The following B4GALT6 variants were observed in gnomAD, a reference collection of about 807,000 sequenced individuals.
B4GALT6 encodes UDP-Gal:beta-GlcNAc beta-1,4-galactosyltransferase 6.
B4GALT6 carries 14 observed loss-of-function variants against 46.3 expected under a neutral mutation model. That is an observed-to-expected ratio of 0.30 (90% CI 0.20 to 0.47). The LOEUF is 0.47. Ranked by LOEUF, B4GALT6 falls within the 20% of genes least tolerant of loss-of-function variation. The pLI, the probability that B4GALT6 is intolerant of heterozygous loss-of-function variation, is 0.99. For synonymous variants in B4GALT6, 168 were observed against 162.0 expected, an observed-to-expected ratio of 1.04 and a Z score of -0.28; for missense variants, 386 against 480.1, an observed-to-expected ratio of 0.80 and a Z score of 1.83.
At chr18:31,635,009 G>A (rs535331828) in intron 5 of B4GALT6, among the ~76,000 whole-genome samples, 25 of 152,242 alleles carry the variant, frequency 1.6e-4, no homozygotes, top group Middle Eastern at 3.4e-3. Flanking sequence ...TTGGGAGGCC[G>A]AGGAGGGTGG....
upstream of B4GALT6, among the ~76,000 whole-genome samples, chr18:31,684,898 A>T (rs2074527800): frequency 6.7e-6 from 1 of 149,600 alleles, no homozygotes; most frequent in African/African-American, 2.4e-5. Flanking sequence ...CCCCGTGCTT[A>T]AGGTCCGGGC....
At chr18:31,672,360 T>C (rs2074366259) in intron 1 of B4GALT6, among the ~76,000 whole-genome samples, 1 of 152,204 alleles carries the variant, frequency 6.6e-6, no homozygotes, top group South Asian at 2.1e-4. Context: ...AAATACCATT[T>C]GGGGAGACAT....
chr18:31,651,926 A>T (rs559864885), intron 3 of B4GALT6, among the ~76,000 whole-genome samples: 1 of 151,830 alleles, frequency 6.6e-6, no homozygotes, highest in Non-Finnish European at 1.5e-5. Context: ...GCCCGCCACC[A>T]CGCCCAGCTA....
At chr18:31,651,832 G>C (rs369328479) in intron 3 of B4GALT6, among the ~76,000 whole-genome samples, 1 of 151,932 alleles carries the variant, frequency 6.6e-6, no homozygotes, top group Non-Finnish European at 1.5e-5. Context: ...GTGCAGTGGC[G>C]AGATCTCAGC....
intron 3 of B4GALT6, among the ~76,000 whole-genome samples, chr18:31,652,765 A>G (rs1049848406): frequency 1.1e-4 from 17 of 152,254 alleles, no homozygotes; most frequent in Middle Eastern, 3.4e-3. Context: ...GGCACCCTGT[A>G]GGTTCTTTTT....
At chr18:31,719,432 G>T in the B4GALT6 span, among the ~76,000 whole-genome samples, 1 of 152,126 alleles carries the variant, frequency 6.6e-6, no homozygotes, top group Non-Finnish European at 1.5e-5. Context: ...TATGAAGGAA[G>T]CTTGGGGCTA....
At chr18:31,650,951 A>G (rs1033004739) in intron 3 of B4GALT6, among the ~76,000 whole-genome samples, 35 of 152,102 alleles carry the variant, frequency 2.3e-4, no homozygotes, top group African/African-American at 8.5e-4. Flanking sequence ...TATTTTTAGT[A>G]GAGACGGGGT....
intron 3 of B4GALT6, among the ~76,000 whole-genome samples, chr18:31,649,302 T>C (rs1317486868): frequency 1.5e-5 from 2 of 132,206 alleles, no homozygotes; most frequent in Non-Finnish European, 3.3e-5. Context: ...AACCTGAGCA[T>C]TCTAAACATA....
At chr18:31,694,818 A>G in the B4GALT6 span, among the ~76,000 whole-genome samples, 2 of 152,226 alleles carry the variant, frequency 1.3e-5, no homozygotes, top group Non-Finnish European at 2.9e-5. Context: ...TGAAACCAAG[A>G]GCACAAAACA....
chr18:31,720,230 T>C, the B4GALT6 span, among the ~76,000 whole-genome samples: 1 of 152,194 alleles, frequency 6.6e-6, no homozygotes, highest in Non-Finnish European at 1.5e-5. Flanking sequence ...AGTTGTAATT[T>C]TGCAAAGGTG....
the B4GALT6 span, among the ~76,000 whole-genome samples, chr18:31,715,614 G>A: frequency 1.0e-4 from 13 of 124,164 alleles, no homozygotes; most frequent in African/African-American, 3.4e-4. Flanking sequence ...GCAATAGCAC[G>A]ATCTCAGCTC....
intron 1 of B4GALT6, among the ~76,000 whole-genome samples, chr18:31,680,757 C>G (rs1271216491): frequency 6.6e-6 from 1 of 152,228 alleles, no homozygotes; most frequent in Non-Finnish European, 1.5e-5. Context: ...AGACCAGTCT[C>G]TCTCTGCCAG....
At position 31,624,587 on chromosome 18, in the gene B4GALT6, A is replaced by G. The variant is rs569958792; in HGVS notation, c.*1027T>C. 9.3e-4 allele frequency: 141 copies of G among 152,190 alleles called. 1 individual carries two copies. In the Middle Eastern group the frequency reaches 0.024, roughly 26 times the overall value. The allele number at this position is 152,190 out of a possible 1,614,324, so 9.4% of individuals were successfully genotyped here. The stretch of plus-strand genomic sequence containing the variant: ...TAATAGTATAATTCATTTGTATATT[A>G]TAAGTACTATTGGGTTTTCTTCCAT... On this transcript the variant is annotated 3_prime_UTR_variant, in exon 9 of 9. Coordinates refer to ENST00000306851, the MANE Select transcript of B4GALT6 (RefSeq NM_004775.5).
At chr18:31,709,595 G>A in the B4GALT6 span, among the ~76,000 whole-genome samples, 3 of 58,212 alleles carry the variant, frequency 5.2e-5, no homozygotes, top group South Asian at 7.7e-4. Context: ...GTGTGTGTGT[G>A]TGTGTGTGTA....
chr18:31,649,924 A>G (rs2074044203), intron 3 of B4GALT6, among the ~76,000 whole-genome samples: 1 of 152,338 alleles, frequency 6.6e-6, no homozygotes, highest in South Asian at 2.1e-4. Flanking sequence ...TCCAAAAGAA[A>G]ATAAATCATT....
chr18:31,686,866 C>T (rs533772263), upstream of B4GALT6: 1 of 152,328 alleles, frequency 6.6e-6, no homozygotes, highest in African/African-American at 2.4e-5. Context: ...TACCACCATA[C>T]CACTAGTCAA....
chr18:31,655,383 G>A (rs1362809025), intron 3 of B4GALT6, among the ~76,000 whole-genome samples: 1 of 152,218 alleles, frequency 6.6e-6, no homozygotes, highest in Non-Finnish European at 1.5e-5. Context: ...AAGATGGCTG[G>A]CCACACTAGT....
chr18:31,703,580 C>T, the B4GALT6 span, among the ~76,000 whole-genome samples: 1 of 152,108 alleles, frequency 6.6e-6, no homozygotes, highest in African/African-American at 2.4e-5. Flanking sequence ...TGGGACAGAA[C>T]CTGACTTGAG....
chr18:31,674,825 A>G (rs1257945092), intron 1 of B4GALT6, among the ~76,000 whole-genome samples: 1 of 152,178 alleles, frequency 6.6e-6, no homozygotes, highest in East Asian at 1.9e-4. Flanking sequence ...ACAAAAAATA[A>G]CAAATGTCAA....
Sources: allele counts gnomAD v4.1 joint callset (sites outside exome capture counted in the v4.1 genomes callset), GRCh38; gene constraint gnomAD v4.1.1; transcripts MANE v1.5; gene names NCBI Gene and HGNC (gene_info 2026-07-23, HGNC 2026-07-21).